The following CELF2 variants were observed in gnomAD, a reference collection of about 807,000 sequenced individuals.
CELF2 encodes the protein CUGBP Elav-like family member 2.
Under a neutral mutation model 62.6 loss-of-function variants are expected in CELF2, and 8 were observed. The ratio of observed to expected loss-of-function variants is 0.13; its 90% confidence interval spans 0.07 to 0.23. The LOEUF is 0.23. Ranked by LOEUF, CELF2 falls within the 10% of genes least tolerant of loss-of-function variation. The pLI is 1.00. For synonymous variants in CELF2, 258 were observed against 250.0 expected (o/e 1.03, Z -0.30); for missense variants, 333 against 671.0 (o/e 0.50, Z 5.56).
chr10:10,484,014 T>G, the CELF2 span, among the ~76,000 whole-genome samples: 1 of 44,900 alleles, frequency 2.2e-5, no homozygotes, highest in African/African-American at 9.9e-5. Flanking sequence ...TCTCCCTCCC[T>G]CCCTCCCCCA....
the CELF2 span, among the ~76,000 whole-genome samples, chr10:10,598,756 T>C: frequency 2.5e-3 from 311 of 124,866 alleles, 3 homozygotes; most frequent in African/African-American, 8.7e-3. Flanking sequence ...TCTTTCTTTT[T>C]TTTTTTTTTT....
At chr10:10,811,358 C>G (rs1262250997) in intron 1 of CELF2, among the ~76,000 whole-genome samples, 2 of 152,026 alleles carry the variant, frequency 1.3e-5, no homozygotes, top group Non-Finnish European at 2.9e-5. Context: ...GGTGGAGGGC[C>G]AGAAAGCAGG....
chr10:11,171,816 G>A (rs797008097), intron 2 of CELF2, among the ~76,000 whole-genome samples: 26 of 151,474 alleles, frequency 1.7e-4, no homozygotes, highest in African/African-American at 5.6e-4. Flanking sequence ...GGTCTAAAGC[G>A]GGTTGATCAT....
chr10:10,893,584 G>A (rs1160679758), intron 1 of CELF2, among the ~76,000 whole-genome samples: 2 of 152,088 alleles, frequency 1.3e-5, no homozygotes, highest in African/African-American at 4.8e-5. Context: ...TACCTGAGAC[G>A]GGGTAATTTA....
intron 1 of CELF2, among the ~76,000 whole-genome samples, chr10:10,891,459 G>A (rs746728133): frequency 6.6e-6 from 1 of 151,666 alleles, no homozygotes; most frequent in African/African-American, 2.4e-5. Context: ...TTTACCGAAT[G>A]TCTTCTCTGT....
chr10:11,301,213 G>T (rs72775876), intron 9 of CELF2, among the ~76,000 whole-genome samples: 1 of 151,996 alleles, frequency 6.6e-6, no homozygotes, highest in African/African-American at 2.4e-5. Flanking sequence ...CCCTTTCGTC[G>T]TGGATCTGGA....
At chr10:10,593,848 T>C in the CELF2 span, among the ~76,000 whole-genome samples, 1 of 152,186 alleles carries the variant, frequency 6.6e-6, no homozygotes, top group African/African-American at 2.4e-5. Context: ...TTCTTTGACC[T>C]CTGCAAGCCT....
intron 9 of CELF2, among the ~76,000 whole-genome samples, chr10:11,303,272 T>C (rs750029602): frequency 2.6e-5 from 4 of 152,108 alleles, no homozygotes; most frequent in Non-Finnish European, 5.9e-5. Context: ...ATCAGCTCAC[T>C]CTCTTTCAAC....
upstream of CELF2, among the ~76,000 whole-genome samples, chr10:11,013,435 C>T (rs543159736): frequency 2.2e-4 from 34 of 152,248 alleles, no homozygotes; most frequent in African/African-American, 3.1e-4. The surrounding 1 kb of genome is among the most constrained non-coding windows in gnomAD (Gnocchi z 4.1). Context: ...CTGCAGACCA[C>T]GCTAGTGGGG....
At chr10:10,707,561 A>C in the CELF2 span, among the ~76,000 whole-genome samples, 1 of 152,186 alleles carries the variant, frequency 6.6e-6, no homozygotes, top group Non-Finnish European at 1.5e-5. Context: ...GTTCACATGA[A>C]GGAAACCATC....
chr10:11,310,506 T>G (rs1250674347), intron 9 of CELF2, among the ~76,000 whole-genome samples: 1 of 152,090 alleles, frequency 6.6e-6, no homozygotes, highest in Admixed American at 6.5e-5. Context: ...CTTTAAGTGG[T>G]TGGTTTTTAT....
intron 4 of CELF2, chr10:11,257,439 C>T (rs564623193): frequency 2.0e-5 from 5 of 251,086 alleles, no homozygotes; most frequent in Admixed American, 9.4e-5. Flanking sequence ...TTTTAGTCAG[C>T]GCATTACTGT....
At chr10:10,905,690 A>G (rs543119326) in intron 1 of CELF2, among the ~76,000 whole-genome samples, 36 of 152,224 alleles carry the variant, frequency 2.4e-4, no homozygotes, top group African/African-American at 8.4e-4. Context: ...ATCCTGGCTA[A>G]CACGGTGGAA....
intron 2 of CELF2, among the ~76,000 whole-genome samples, chr10:11,192,810 A>G (rs1278188052): frequency 6.6e-6 from 1 of 152,078 alleles, no homozygotes; most frequent in Non-Finnish European, 1.5e-5. Flanking sequence ...CAGTGTCCCA[A>G]CCCCACCCTC....
chr10:10,512,835 A>T, the CELF2 span, among the ~76,000 whole-genome samples: 1 of 152,208 alleles, frequency 6.6e-6, no homozygotes, highest in African/African-American at 2.4e-5. Flanking sequence ...TTGGCATCAG[A>T]AGATTTAAAG....
At chr10:10,683,538 G>GATTACAGAC in the CELF2 span, among the ~76,000 whole-genome samples, 4 of 152,158 alleles carry the variant, frequency 2.6e-5, no homozygotes, top group Non-Finnish European at 5.9e-5. Flanking sequence ...AGTGATTTCT[G>GATTACAGAC]ATTACAGACA....
the CELF2 span, among the ~76,000 whole-genome samples, chr10:10,670,052 G>C: frequency 1.3e-5 from 2 of 151,926 alleles, no homozygotes; most frequent in Non-Finnish European, 2.9e-5. Context: ...ACAGGCAAGC[G>C]CCACCATGCC....
rs1433829900 is a variant in CELF2 at position 11,159,139 on chromosome 10, C to A, written c.75-6347C>A. 6.6e-6 allele frequency among the ~76,000 whole-genome samples: 1 copy of A among 152,168 alleles called. No individual in the cohort carries two copies. The highest frequency in any genetic ancestry group is 1.5e-5 in the Non-Finnish European group (1 of 68,038). ...CTCAGAGATGGTTTGGGGCCTCATT[C>A]CATAATTTATGTGGCAGTGACTCAA... On this transcript the variant is annotated intron_variant, in intron 1 of 12. Coordinates refer to ENST00000633077, the MANE Select transcript of CELF2 (RefSeq NM_001326342.2). This position sits in a 1 kb window ranked among gnomAD's most constrained non-coding sequence, Gnocchi z 5.0.
At chr10:11,016,944 C>G (rs753877352), upstream of CELF2, among the ~76,000 whole-genome samples, 7 of 152,302 alleles carry the variant, frequency 4.6e-5, no homozygotes, top group Middle Eastern at 3.4e-3. This position sits in a 1 kb window ranked among gnomAD's most constrained non-coding sequence, Gnocchi z 5.2. Flanking sequence ...GATGTTGATT[C>G]AGAATGTGAA....
Sources: gnomAD v4.1 joint callset for allele counts (sites outside exome capture counted in the v4.1 genomes callset) on GRCh38, gnomAD v4.1.1 for gene constraint, Gnocchi (gnomAD v3.1) non-coding constraint, MANE v1.5 for transcripts, NCBI Gene and HGNC (gene_info 2026-07-23, HGNC 2026-07-21) for gene names.